KRT73: variants seen among roughly 807,000 people sequenced by gnomAD.
KRT73 encodes the protein keratin, type II cytoskeletal 73.
Under a neutral mutation model 47.2 loss-of-function variants are expected in KRT73, and 44 were observed. The ratio of observed to expected loss-of-function variants is 0.93; its 90% CI spans 0.73 to 1.20. The LOEUF is 1.20. Ranked by LOEUF, KRT73 falls within the 50% of genes most tolerant of loss-of-function variation. KRT73 has a pLI of 0.00. For synonymous variants in KRT73, 285 were observed against 291.3 expected (o/e 0.98, Z 0.22); for missense variants, 713 against 704.5 (o/e 1.01, Z -0.14).
At chr12:52,628,459 G>A in the KRT73 span, among the ~76,000 whole-genome samples, 1 of 152,164 alleles carries the variant, frequency 6.6e-6, no homozygotes, top group African/African-American at 2.4e-5. Flanking sequence ...GAGTCCCTCT[G>A]CCTTAGAATA....
At chr12:52,625,111 A>C in the KRT73 span, among the ~76,000 whole-genome samples, 1 of 152,206 alleles carries the variant, frequency 6.6e-6, no homozygotes, top group Admixed American at 6.5e-5. Context: ...TAGATTTGAC[A>C]TCAAAAGCAT....
intron 1 of KRT73, 43 bp downstream of exon 1, chr12:52,618,035 T>C: frequency 6.3e-7 from 1 of 1,593,698 alleles, no homozygotes; most frequent in Non-Finnish European, 8.5e-7. Flanking sequence ...TCCTGAGTCC[T>C]TAAAAGGGGA....
At chr12:52,617,540 T>C (rs984749666) in intron 1 of KRT73, among the ~76,000 whole-genome samples, 3 of 152,176 alleles carry the variant, frequency 2.0e-5, no homozygotes, top group African/African-American at 7.2e-5. Flanking sequence ...CTGTGTGTGT[T>C]ACGGACTGAG....
chr12:52,615,419 G>A (rs1035059278), intron 2 of KRT73, 80 bp from the exon 3 acceptor site: 330 of 1,132,208 alleles, frequency 2.9e-4, no homozygotes, highest in Non-Finnish European at 4.1e-4. Flanking sequence ...TGAGAAAAGA[G>A]ATACCCATAT....
chr12:52,615,805 A>G (rs543508172), intron 2 of KRT73, among the ~76,000 whole-genome samples: 2 of 152,216 alleles, frequency 1.3e-5, no homozygotes, highest in South Asian at 4.1e-4. Flanking sequence ...GAAGCCCAAC[A>G]GGAACTCCAC....
At chr12:52,626,175 G>A in the KRT73 span, among the ~76,000 whole-genome samples, 7 of 152,312 alleles carry the variant, frequency 4.6e-5, no homozygotes, top group East Asian at 1.3e-3. Context: ...GTATATGACA[G>A]GTACTGTTCT....
rs1940649198 is a variant in KRT73, at chr12:52,609,383, G to A, written c.1332-102C>T. ...GGGGATCCCCAGCCAGACCAGCTCA[G>A]CCTTCACGCACCCCACACTTGCCAG... is the stretch of plus-strand genomic sequence containing the variant. On this transcript the variant is annotated intron_variant, in intron 7 of 8. Transcript: ENST00000305748. 1.5e-5 allele frequency: 14 copies of A among 931,156 alleles called. No individual in the cohort carries two copies. The East Asian group carries it at 3.4e-4, about 22-fold the overall frequency. The allele number at this position is 931,156 out of a possible 1,614,324, so 57.7% of individuals were successfully genotyped here. A position where few individuals can be genotyped will look rare whatever the true frequency, so the allele number is the denominator to read the frequency against.
chr12:52,628,453 C>T, the KRT73 span, among the ~76,000 whole-genome samples: 1 of 152,138 alleles, frequency 6.6e-6, no homozygotes, highest in Non-Finnish European at 1.5e-5. Context: ...GGCAGAGAGT[C>T]CCTCTGCCTT....
At chr12:52,625,025 A>G in the KRT73 span, among the ~76,000 whole-genome samples, 1 of 152,202 alleles carries the variant, frequency 6.6e-6, no homozygotes, top group African/African-American at 2.4e-5. Context: ...TTAATTGACT[A>G]TAAAATGTAA....
chr12:52,608,433 C>T lies in KRT73; in HGVS notation c.1386G>A (p.Met462Ile). 1 of 1,610,722 alleles carries T rather than the reference C, an allele frequency of 6.2e-7. No individual in the cohort carries two copies. Among genetic ancestry groups the T allele is most frequent in the Non-Finnish European group, 8.5e-7 (1 of 1,179,680 alleles). The change falls in exon 9 of 9, where the codon ATG becomes ATA. Residue 462 changes from methionine (M) to isoleucine (I), a missense_variant. Coordinates refer to ENST00000305748, the MANE Select transcript of KRT73 (RefSeq NM_175068.3). ...SVSISVINSS[M>I]AGMAGTGAGF... Reference sequence around the variant, plus strand: ...CAGCCCCTGTGCCTGCCATCCCGGCCATGGAGCTGTTGATGACCGCTGCAG... The same window carrying T: ...CAGCCCCTGTGCCTGCCATCCCGGCTATGGAGCTGTTGATGACCGCTGCAG...
the KRT73 span, among the ~76,000 whole-genome samples, chr12:52,626,988 C>G: frequency 6.6e-6 from 1 of 152,200 alleles, no homozygotes; most frequent in Admixed American, 6.5e-5. Context: ...GCAAGCTCCA[C>G]CAGACTGCAG....
At chr12:52,628,501 A>G in the KRT73 span, among the ~76,000 whole-genome samples, 87 of 152,338 alleles carry the variant, frequency 5.7e-4, 1 homozygote, top group East Asian at 0.015. Context: ...ATGAAACAAA[A>G]ACAACTTCTT....
chr12:52,614,981 A>G, intron 3 of KRT73: 1 of 531,634 alleles, frequency 1.9e-6, no homozygotes, highest in Admixed American at 3.4e-5. Flanking sequence ...TTTGCCAGAA[A>G]CTAGCAGAGT....
Position 52,613,829 on chromosome 12 carries a change from G to A in KRT73, c.843C>T (p.His281=). 1 of 1,614,142 alleles carries A rather than the reference G, an allele frequency of 6.2e-7. No individual in the cohort carries two copies. Among genetic ancestry groups the A allele is most frequent in the Non-Finnish European group, 8.5e-7 (1 of 1,179,998 alleles). Reference sequence around the variant, plus strand: ...ACAGGATGATGGACGTGTCGCTGATGTGGGACTGGATCTGAGCAGTCTCCT... The same window carrying A: ...ACAGGATGATGGACGTGTCGCTGATATGGGACTGGATCTGAGCAGTCTCCT... ...YEGETAQIQS[H]ISDTSIILSM... The change falls in exon 5 of 9, where the codon CAC becomes CAT. Residue 281 remains histidine (H), a synonymous_variant. Transcript: ENST00000305748.
At position 52,618,058 on chromosome 12, in the gene KRT73, C is replaced by T. The variant is rs1940844892; in HGVS notation, c.447+20G>A. 1 of 1,611,036 alleles carries T rather than the reference C, an allele frequency of 6.2e-7. No homozygotes were observed. Among genetic ancestry groups the T allele is most frequent in the Admixed American group, 1.7e-5 (1 of 59,422 alleles). ...CCTTAAAAGGGGAGCCCAAGATCAGCTTTCTCCAGAAAGACCCACCTTGTC... is the reference window on the plus strand; with the variant it reads ...CCTTAAAAGGGGAGCCCAAGATCAGTTTTCTCCAGAAAGACCCACCTTGTC... On this transcript the variant is annotated intron_variant, in intron 1 of 8. Transcript: ENST00000305748.
the KRT73 span, among the ~76,000 whole-genome samples, chr12:52,624,534 G>C: frequency 6.6e-6 from 1 of 152,058 alleles, no homozygotes; most frequent in Non-Finnish European, 1.5e-5. Flanking sequence ...TCAACAAGTT[G>C]TAAATAACTT....
At chr12:52,613,914 T>C (rs1267006671) in intron 4 of KRT73, 62 bp from the exon 5 acceptor site, 10 of 1,582,674 alleles carry the variant, frequency 6.3e-6, no homozygotes, top group Non-Finnish European at 8.6e-6. Context: ...CCCAAGGTGA[T>C]GGCCCTGTCC....
intron 1 of KRT73, among the ~76,000 whole-genome samples, chr12:52,617,469 G>C (rs966112813): frequency 2.6e-5 from 4 of 152,066 alleles, no homozygotes; most frequent in African/African-American, 9.7e-5. Flanking sequence ...CTGGTTCCAG[G>C]GCCACCTTTG....
chr12:52,629,712 C>CAGTA, the KRT73 span, among the ~76,000 whole-genome samples: 1 of 152,198 alleles, frequency 6.6e-6, no homozygotes, highest in African/African-American at 2.4e-5. Context: ...ACAGAATAAT[C>CAGTA]AGTAGATCCT....
Sources: gnomAD v4.1 joint callset for allele counts (sites outside exome capture counted in the v4.1 genomes callset) on GRCh38, gnomAD v4.1.1 for gene constraint, MANE v1.5 for transcripts, NCBI Gene and HGNC (gene_info 2026-07-23, HGNC 2026-07-21) for gene names.